ASTN1: variants seen among roughly 807,000 people sequenced by gnomAD.
The protein encoded by ASTN1 is astrotactin-1.
A neutral mutation model predicts 140.7 loss-of-function variants in ASTN1; 41 were observed. The observed-to-expected ratio is 0.29, with a 90% CI of 0.23 to 0.38. The LOEUF is 0.38. Ranked by LOEUF, ASTN1 falls within the 10% of genes least tolerant of loss-of-function variation. The pLI, the probability that ASTN1 is intolerant of heterozygous loss-of-function variation, is 1.00. For missense variants in ASTN1, 1,479 were observed against 1,678.8 expected (o/e 0.88, Z 2.08); for synonymous variants, 640 against 652.2 (o/e 0.98, Z 0.29).
intron 1 of ASTN1, among the ~76,000 whole-genome samples, chr1:177,128,786 G>A (rs999840082): frequency 2.6e-5 from 4 of 152,244 alleles, no homozygotes; most frequent in South Asian, 4.1e-4. Context: ...TGGAGAAGTC[G>A]GTAGAATTAG....
At chr1:176,859,110 G>A (rs1255914141), downstream of ASTN1, among the ~76,000 whole-genome samples, 2 of 152,028 alleles carry the variant, frequency 1.3e-5, no homozygotes, top group African/African-American at 4.8e-5. Context: ...AAATACAAAG[G>A]GACAGAAAAA....
intron 1 of ASTN1, among the ~76,000 whole-genome samples, chr1:177,116,242 C>T (rs1681084874): frequency 6.6e-6 from 1 of 152,226 alleles, no homozygotes; most frequent in South Asian, 2.1e-4. Flanking sequence ...GTTTCTATGG[C>T]CAGAAACTGA....
chr1:177,084,800 C>T (rs1679345841), intron 1 of ASTN1, among the ~76,000 whole-genome samples: 2 of 152,220 alleles, frequency 1.3e-5, no homozygotes, highest in East Asian at 3.9e-4. Context: ...TTTAGCTTTT[C>T]TTACTGCCTT....
chr1:176,955,997 G>T (rs1672384262), intron 11 of ASTN1, among the ~76,000 whole-genome samples: 1 of 152,208 alleles, frequency 6.6e-6, no homozygotes, highest in African/African-American at 2.4e-5. Context: ...AAGTGTCTCA[G>T]CTGGGAGCTC....
chr1:177,052,551 C>G (rs1038358814), intron 2 of ASTN1, among the ~76,000 whole-genome samples: 1 of 152,154 alleles, frequency 6.6e-6, no homozygotes, highest in African/African-American at 2.4e-5. Flanking sequence ...GAGAGCAAAG[C>G]CCTTGCTGTA....
intron 2 of ASTN1, among the ~76,000 whole-genome samples, chr1:177,036,862 C>A (rs1676743343): frequency 6.6e-6 from 1 of 152,002 alleles, no homozygotes; most frequent in South Asian, 2.1e-4. Flanking sequence ...CTCTGTCACC[C>A]AGGCTGGAGT....
rs376669624 is a variant in ASTN1 at position 176,951,117 on chromosome 1, T to C, written c.1888-1766A>G. Among the ~76,000 whole-genome samples the C allele has an allele frequency of 4.6e-5, 7 of 152,308 alleles. No homozygotes were observed. In the East Asian group the frequency reaches 9.7e-4, roughly 21 times the overall value. ...AGGCTCCCAGCCTGGTCCATCTCCC[T>C]TTCTCCCCATGAAGGCAGCTGGAGT... On this transcript the variant is annotated intron_variant, in intron 11 of 22. Transcript: ENST00000361833.
rs1470360842 is a variant in ASTN1, at chr1:176,894,611, G to T, written c.2891C>A (p.Thr964Asn). 4 of 1,613,942 alleles carry T rather than the reference G, an allele frequency of 2.5e-6. No individual in the cohort carries two copies. In the East Asian group the frequency reaches 6.7e-5, roughly 27 times the overall value. ...TPAEPVLLEV[T>N]KAAPIYELVT... ...TAGTTCATAGATGGGGGCTGCTTTG[G>T]TCACCTCCAGCAGAACCGGCTCAGC... The change falls in exon 17 of 23, where the codon ACC becomes AAC. Residue 964 changes from threonine to asparagine, a missense_variant. Thr to Asn is a moderately conservative substitution (Grantham distance 65). This residue lies in a region of ASTN1 where 746 missense variants were observed against 800.9 expected (regional missense o/e 0.93). Coordinates refer to ENST00000361833, the MANE Select transcript of ASTN1 (RefSeq NM_004319.3).
chr1:176,936,424 A>T, intron 14 of ASTN1, 54 bp from the exon 15 acceptor site: 1 of 1,432,802 alleles, frequency 7.0e-7, no homozygotes, highest in East Asian at 2.3e-5. Context: ...TAAGTTCCAA[A>T]TCAAAAAGCA....
At chr1:177,030,439 A>G (rs1246218089) in intron 4 of ASTN1, among the ~76,000 whole-genome samples, 2 of 152,216 alleles carry the variant, frequency 1.3e-5, no homozygotes, top group African/African-American at 4.8e-5. Context: ...AAATGGCTGC[A>G]TGGTAAGTGC....
intron 8 of ASTN1, among the ~76,000 whole-genome samples, chr1:177,000,848 C>T (rs939274436): frequency 4.6e-5 from 7 of 152,202 alleles, no homozygotes; most frequent in Admixed American, 6.5e-5. Context: ...GGGCAGCCAT[C>T]TGATGAAATG....
At chr1:177,010,871 C>T (rs1349719041) in intron 8 of ASTN1, among the ~76,000 whole-genome samples, 1 of 152,154 alleles carries the variant, frequency 6.6e-6, no homozygotes, top group Non-Finnish European at 1.5e-5. Context: ...GTCTAGCTAA[C>T]CCCAAGAGGT....
At chr1:176,867,145 T>G (rs1402258618) in intron 22 of ASTN1, among the ~76,000 whole-genome samples, 1 of 152,214 alleles carries the variant, frequency 6.6e-6, no homozygotes, top group Admixed American at 6.5e-5. Context: ...CCAATTTTCT[T>G]TCTGACTCTT....
intron 22 of ASTN1, 116 bp from the exon 23 acceptor site, chr1:176,864,637 C>T (rs1286747341): frequency 1.4e-6 from 2 of 1,441,882 alleles, no homozygotes; most frequent in Non-Finnish European, 1.8e-6. Context: ...GTGTGTTTTG[C>T]TCCCTATTTT....
At position 177,075,956 on chromosome 1, in the gene ASTN1, C is replaced by T. The variant is rs183831405; in HGVS notation, c.284-14691G>A. 8.7e-4 allele frequency among the ~76,000 whole-genome samples: 132 copies of T among 152,148 alleles called. 1 individual carries two copies. Among genetic ancestry groups the T allele is most frequent in the Non-Finnish European group, 1.4e-3 (96 of 68,016 alleles). ...CATCTGTGAACAAACCTTTTGATCTCATGTGAGAGATCCTCAAACTGCAAT... is the reference window on the plus strand; with the variant it reads ...CATCTGTGAACAAACCTTTTGATCTTATGTGAGAGATCCTCAAACTGCAAT... On this transcript the variant is annotated intron_variant, in intron 1 of 22. Coordinates refer to ENST00000361833, the MANE Select transcript of ASTN1 (RefSeq NM_004319.3).
intron 1 of ASTN1, among the ~76,000 whole-genome samples, chr1:177,121,931 C>T (rs763684588): frequency 6.6e-6 from 1 of 152,120 alleles, no homozygotes; most frequent in Non-Finnish European, 1.5e-5. Context: ...ATGTTGTCAA[C>T]AGGATTGAAG....
At chr1:177,122,819 G>C (rs1310256117) in intron 1 of ASTN1, among the ~76,000 whole-genome samples, 1 of 152,160 alleles carries the variant, frequency 6.6e-6, no homozygotes, top group Non-Finnish European at 1.5e-5. Flanking sequence ...GGATCTAAAA[G>C]GTCTTCTCAG....
chr1:177,009,990 A>C (rs1675208800), intron 8 of ASTN1, among the ~76,000 whole-genome samples: 1 of 152,234 alleles, frequency 6.6e-6, no homozygotes, highest in South Asian at 2.1e-4. Context: ...ATTTAACCTA[A>C]TTGTAATCTT....
intron 1 of ASTN1, among the ~76,000 whole-genome samples, chr1:177,163,527 T>C (rs1259115590): frequency 6.6e-6 from 1 of 152,116 alleles, no homozygotes; most frequent in Admixed American, 6.5e-5. Context: ...TGACAGGAGT[T>C]CCACTACCTG....
Sources: gnomAD v4.1 joint callset for allele counts (sites outside exome capture counted in the v4.1 genomes callset) on GRCh38, gnomAD v4.1.1 for gene constraint, gnomAD v4.1.1 regional missense constraint, MANE v1.5 for transcripts, NCBI Gene and HGNC (gene_info 2026-07-23, HGNC 2026-07-21) for gene names.